The following EEFSEC variants were observed in gnomAD, a reference collection of about 807,000 sequenced individuals.
The protein encoded by EEFSEC is eukaryotic elongation factor, selenocysteine-tRNA specific.
EEFSEC carries 43 observed loss-of-function variants against 42.1 expected under a neutral mutation model. The ratio of observed to expected loss-of-function variants is 1.02; its 90% CI spans 0.80 to 1.32. EEFSEC has a LOEUF of 1.32. EEFSEC is among the 40% of genes most tolerant of loss of function. The pLI is 0.00. For missense variants in EEFSEC, 745 were observed against 803.6 expected (o/e 0.93, Z 0.88); for synonymous variants, 354 against 339.1 (o/e 1.04, Z -0.48).
At chr3:128,425,436 G>C in the EEFSEC span, among the ~76,000 whole-genome samples, 1 of 152,154 alleles carries the variant, frequency 6.6e-6, no homozygotes, top group African/African-American at 2.4e-5. Flanking sequence ...CCAGTTTGGG[G>C]TGACTGTGAC....
At chr3:128,357,301 T>A (rs2067466276) in intron 5 of EEFSEC, among the ~76,000 whole-genome samples, 1 of 152,238 alleles carries the variant, frequency 6.6e-6, no homozygotes, top group Non-Finnish European at 1.5e-5. Flanking sequence ...AGGTTCAGGA[T>A]GAACATAGCT....
At chr3:128,327,457 GTCTC>G (rs1258980180) in intron 4 of EEFSEC, among the ~76,000 whole-genome samples, 1 of 152,094 alleles carries the variant, frequency 6.6e-6, no homozygotes, top group Non-Finnish European at 1.5e-5. Flanking sequence ...TTATACATCT[GTCTC>G]CCCAGTGAGT....
At chr3:128,218,317 C>T (rs2065830169) in intron 1 of EEFSEC, among the ~76,000 whole-genome samples, 1 of 152,194 alleles carries the variant, frequency 6.6e-6, no homozygotes, top group Non-Finnish European at 1.5e-5. Context: ...TAACAGGACA[C>T]CGTACTTTCA....
chr3:128,292,977 A>G (rs1008502459), intron 4 of EEFSEC, among the ~76,000 whole-genome samples: 4 of 152,154 alleles, frequency 2.6e-5, no homozygotes, highest in Non-Finnish European at 5.9e-5. Context: ...ATGATGTGCC[A>G]TTTTTTAATC....
the EEFSEC span, among the ~76,000 whole-genome samples, chr3:128,423,864 A>G: frequency 2.0e-5 from 3 of 152,214 alleles, no homozygotes; most frequent in African/African-American, 7.2e-5. Flanking sequence ...AAATTGGTCA[A>G]TGCTCCATGG....
intron 6 of EEFSEC, among the ~76,000 whole-genome samples, chr3:128,380,429 C>T (rs1396615280): frequency 2.0e-5 from 3 of 152,202 alleles, no homozygotes; most frequent in African/African-American, 4.8e-5. Context: ...TTCAATCTCT[C>T]TTCACCTCTC....
intron 1 of EEFSEC, among the ~76,000 whole-genome samples, chr3:128,228,065 G>A (rs529065410): frequency 6.6e-6 from 1 of 152,318 alleles, no homozygotes; most frequent in East Asian, 1.9e-4. Flanking sequence ...ATTGTTGCTG[G>A]AGGGGGTGTT....
At chr3:128,316,676 G>A (rs888558035) in intron 4 of EEFSEC, among the ~76,000 whole-genome samples, 1 of 152,218 alleles carries the variant, frequency 6.6e-6, no homozygotes, top group African/African-American at 2.4e-5. Context: ...CCCTGAGCCT[G>A]CCTGGAGCTC....
chr3:128,273,288 G>A (rs1328474317), intron 4 of EEFSEC, among the ~76,000 whole-genome samples: 1 of 152,184 alleles, frequency 6.6e-6, no homozygotes, highest in Non-Finnish European at 1.5e-5. Flanking sequence ...GTAATATCCT[G>A]TTGTCTCCCT....
intron 1 of EEFSEC, among the ~76,000 whole-genome samples, chr3:128,204,396 G>A (rs2065672046): frequency 6.6e-6 from 1 of 152,146 alleles, no homozygotes; most frequent in Non-Finnish European, 1.5e-5. Context: ...TATGGTTACT[G>A]ATATTTGTAT....
chr3:128,242,199 G>A (rs1472828682), intron 1 of EEFSEC, among the ~76,000 whole-genome samples: 1 of 151,976 alleles, frequency 6.6e-6, no homozygotes, highest in Non-Finnish European at 1.5e-5. Context: ...TGCACCTGTA[G>A]TCCCAGCTAC....
intron 1 of EEFSEC, among the ~76,000 whole-genome samples, chr3:128,183,540 G>A (rs534558911): frequency 2.2e-4 from 34 of 152,154 alleles, no homozygotes; most frequent in African/African-American, 6.5e-4. Flanking sequence ...CTTTTGGAGC[G>A]TTGCTTCTTA....
At chr3:128,212,616 T>A (rs2065770284) in intron 1 of EEFSEC, among the ~76,000 whole-genome samples, 1 of 152,232 alleles carries the variant, frequency 6.6e-6, no homozygotes, top group African/African-American at 2.4e-5. Context: ...AAAAGCCCTA[T>A]GTCGACATGG....
chr3:128,395,801 C>G (rs2067974215), intron 6 of EEFSEC, among the ~76,000 whole-genome samples: 1 of 152,214 alleles, frequency 6.6e-6, no homozygotes, highest in Non-Finnish European at 1.5e-5. Flanking sequence ...TGATACAGCA[C>G]CCTCAGCCAC....
At chr3:128,162,963 C>T (rs963948295) in intron 1 of EEFSEC, among the ~76,000 whole-genome samples, 1 of 152,108 alleles carries the variant, frequency 6.6e-6, no homozygotes, top group Non-Finnish European at 1.5e-5. Context: ...TTGGGTTTTT[C>T]TTCGGAATCA....
rs148893096 is a variant in EEFSEC at position 128,249,311 on chromosome 3, A to C, written c.524+2268A>C. ...AAAAGAAAGAAGAGCCCACCCAAAG[A>C]TTTCTTTTCTCAAATGGCAGCTGCT... On this transcript the variant is annotated intron_variant, in intron 2 of 6. Coordinates refer to ENST00000254730, the MANE Select transcript of EEFSEC (RefSeq NM_021937.5). 1.5e-3 allele frequency among the ~76,000 whole-genome samples: 232 copies of C among 152,264 alleles called. 1 individual carries two copies. Among genetic ancestry groups the C allele is most frequent in the African/African-American group, 5.2e-3 (215 of 41,548 alleles).
chr3:128,389,865 G>A (rs753235482), intron 6 of EEFSEC, among the ~76,000 whole-genome samples: 1 of 152,242 alleles, frequency 6.6e-6, no homozygotes, highest in Non-Finnish European at 1.5e-5. Context: ...CACCTAGCCG[G>A]TCAAGCCTAG....
intron 6 of EEFSEC, among the ~76,000 whole-genome samples, chr3:128,366,410 G>A (rs749863540): frequency 6.6e-6 from 1 of 152,256 alleles, no homozygotes; most frequent in Non-Finnish European, 1.5e-5. Flanking sequence ...GCACGCCCTT[G>A]TGTAGTCTGA....
intron 6 of EEFSEC, chr3:128,362,403 A>G: frequency 5.1e-6 from 2 of 393,802 alleles, no homozygotes; most frequent in South Asian, 3.7e-5. Flanking sequence ...TAGGACAGAA[A>G]AGGGCACACA....
Sources: gnomAD v4.1 joint callset for allele counts (sites outside exome capture counted in the v4.1 genomes callset) on GRCh38, gnomAD v4.1.1 for gene constraint, MANE v1.5 for transcripts, NCBI Gene and HGNC (gene_info 2026-07-23, HGNC 2026-07-21) for gene names.